HFM1: variants seen among roughly 807,000 people sequenced by gnomAD.
HFM1 encodes probable ATP-dependent DNA helicase HFM1.
HFM1 carries 169 observed loss-of-function variants against 192.1 expected under a neutral mutation model. The ratio of observed to expected loss-of-function variants is 0.88; its 90% CI spans 0.78 to 1.00. The LOEUF (loss-of-function observed/expected upper bound fraction) is 1.00. HFM1 is among the 50% of genes least tolerant of loss of function. The pLI is 0.00. For missense variants in HFM1, 1,661 were observed against 1,668.0 expected, an observed-to-expected ratio of 1.00 and a Z score of 0.07; for synonymous variants, 525 against 537.8, an observed-to-expected ratio of 0.98 and a Z score of 0.33.
At chr1:91,392,012 G>A (rs1663057089) in intron 4 of HFM1, among the ~76,000 whole-genome samples, 1 of 152,120 alleles carries the variant, frequency 6.6e-6, no homozygotes, top group African/African-American at 2.4e-5. Flanking sequence ...ATCATCACTG[G>A]CCATCAGAGA....
chr1:91,304,969 A>G (rs1649393711), intron 30 of HFM1, among the ~76,000 whole-genome samples: 1 of 152,160 alleles, frequency 6.6e-6, no homozygotes, highest in Admixed American at 6.6e-5. Flanking sequence ...TCAAAAATAA[A>G]CTGGCAGAGA....
chr1:91,390,257 G>A (rs1662778181), intron 4 of HFM1, among the ~76,000 whole-genome samples: 2 of 152,070 alleles, frequency 1.3e-5, no homozygotes, highest in South Asian at 2.1e-4. Flanking sequence ...TCAACATGGT[G>A]AAATTCCGTC....
intron 4 of HFM1, among the ~76,000 whole-genome samples, chr1:91,388,718 A>C (rs1389983690): frequency 6.6e-6 from 1 of 152,234 alleles, no homozygotes; most frequent in Non-Finnish European, 1.5e-5. Context: ...ATATGACACC[A>C]AAACCATAAG....
intron 6 of HFM1, 137 bp downstream of exon 6, chr1:91,385,050 C>T: frequency 4.9e-6 from 3 of 617,886 alleles, no homozygotes; most frequent in Non-Finnish European, 2.8e-6. Flanking sequence ...GCCACATGTA[C>T]CTCTTACAAC....
At chr1:91,266,236 C>A in intron 35 of HFM1, 129 bp from the exon 36 acceptor site, 1 of 681,700 alleles carries the variant, frequency 1.5e-6, no homozygotes, top group East Asian at 3.1e-5. Flanking sequence ...TTCTCAGTAA[C>A]CTAATTTAAT....
chr1:91,387,754 T>G (rs1421160985), intron 4 of HFM1, among the ~76,000 whole-genome samples: 37 of 87,840 alleles, frequency 4.2e-4, no homozygotes, highest in Non-Finnish European at 6.3e-4. Flanking sequence ...TATCACACTC[T>G]GGGGACTGTG....
chr1:91,263,635 C>T (rs1665383086), intron 36 of HFM1, among the ~76,000 whole-genome samples: 1 of 152,014 alleles, frequency 6.6e-6, no homozygotes, highest in African/African-American at 2.4e-5. Context: ...TACCTGTAGT[C>T]CCAGCTACTT....
At chr1:91,387,898 C>T (rs1232478688) in intron 4 of HFM1, among the ~76,000 whole-genome samples, 2 of 136,274 alleles carry the variant, frequency 1.5e-5, no homozygotes. Flanking sequence ...CACATGTACC[C>T]TAAAACTTAG....
chr1:91,315,851 T>C lies in HFM1; in HGVS notation c.3104A>G (p.Asp1035Gly), dbSNP rs1420435389. Residue 1035 changes from aspartate to glycine, a missense_variant, in exon 28 of 39, where the codon GAC becomes GGC. Coordinates refer to ENST00000370425, the MANE Select transcript of HFM1 (RefSeq NM_001017975.6). ...DSHYVTLIIG[D>G]ADNQVVYLHK... Reference sequence around the variant, plus strand: ...CAGATAAACTACTTGATTATCTGCGTCACCTATGATTAAGGTAACATAGTG... The same window carrying C: ...CAGATAAACTACTTGATTATCTGCGCCACCTATGATTAAGGTAACATAGTG... The C allele has an allele frequency of 6.2e-7, 1 of 1,610,884 alleles. No individual in the cohort carries two copies. Among genetic ancestry groups the C allele is most frequent in the Non-Finnish European group, 8.5e-7 (1 of 1,178,162 alleles).
chr1:91,386,886 C>G (rs1474793966), intron 4 of HFM1, among the ~76,000 whole-genome samples: 1 of 152,200 alleles, frequency 6.6e-6, no homozygotes, highest in East Asian at 1.9e-4. Flanking sequence ...GTGTATCCCC[C>G]CAAAAAGGAA....
At chr1:91,344,358 T>C (rs1655819625) in intron 19 of HFM1, among the ~76,000 whole-genome samples, 1 of 152,206 alleles carries the variant, frequency 6.6e-6, no homozygotes, top group Non-Finnish European at 1.5e-5. Flanking sequence ...GCAACACTCT[T>C]TAGACAGCTT....
rs918431097 is a variant in HFM1, at chr1:91,380,937, T to C, written c.848A>G (p.Tyr283Cys). ...SIFKEFPYFN[Y>C]IQSKAFDDLL... Reference sequence around the variant, plus strand: ...ATCATCAAAGGCCTTGGACTGTATATAGTTGAAATATGGAAATTCTTTGAA... The same window carrying C: ...ATCATCAAAGGCCTTGGACTGTATACAGTTGAAATATGGAAATTCTTTGAA... Residue 283 changes from tyrosine to cysteine, a missense_variant, in exon 7 of 39, where the codon TAT becomes TGT. By Grantham distance (194) the Tyr-to-Cys change is radical. Transcript: ENST00000370425. 4 of 1,459,776 alleles carry C rather than the reference T, an allele frequency of 2.7e-6. No homozygotes were observed. In the African/African-American group the frequency reaches 4.2e-5, roughly 15 times the overall value. 90.4% of individuals were successfully genotyped at this position (1,459,776 alleles called of 1,614,324 possible). A position where few individuals can be genotyped will look rare whatever the true frequency, so the allele number is the denominator to read the frequency against.
At chr1:91,342,129 C>T (rs1474536987) in intron 20 of HFM1, among the ~76,000 whole-genome samples, 70 of 9,180 alleles carry the variant, frequency 7.6e-3, no homozygotes, top group Non-Finnish European at 0.012. Flanking sequence ...GGCAGAGACA[C>T]AATGAAAAAA....
At chr1:91,393,036 G>A (rs754512827) in intron 4 of HFM1, among the ~76,000 whole-genome samples, 12 of 151,980 alleles carry the variant, frequency 7.9e-5, no homozygotes, top group South Asian at 2.1e-4. Context: ...AAAAACCAAC[G>A]TGGGTAAATA....
At chr1:91,261,568 AAAGGTT>A in intron 38 of HFM1, 1 of 336,082 alleles carries the variant, frequency 3.0e-6, no homozygotes, top group Non-Finnish European at 5.4e-6. Context: ...TAGGAACTGT[AAAGGTT>A]ATTTCTTTAA....
intron 30 of HFM1, among the ~76,000 whole-genome samples, chr1:91,302,332 G>C (rs1288998109): frequency 6.6e-6 from 1 of 152,044 alleles, no homozygotes. Flanking sequence ...TACGCTGTTG[G>C]TGGGACTGTA....
At chr1:91,378,373 T>C (rs1661160838) in intron 10 of HFM1, 30 bp downstream of exon 10, 2 of 1,503,548 alleles carry the variant, frequency 1.3e-6, no homozygotes, top group Non-Finnish European at 1.8e-6. Flanking sequence ...TCCTTTTATG[T>C]TTATCTCTGA....
intron 30 of HFM1, among the ~76,000 whole-genome samples, chr1:91,303,897 G>C (rs1649212738): frequency 6.6e-6 from 1 of 152,150 alleles, no homozygotes; most frequent in African/African-American, 2.4e-5. Flanking sequence ...CCAGGTTGGA[G>C]TGCAGTGGCA....
At chr1:91,304,552 C>T (rs1010619233) in intron 30 of HFM1, among the ~76,000 whole-genome samples, 5 of 151,902 alleles carry the variant, frequency 3.3e-5, no homozygotes, top group Non-Finnish European at 7.4e-5. Flanking sequence ...CTGCAACCTC[C>T]GCCTCCTGGG....
Sources: gnomAD v4.1 joint callset for allele counts (sites outside exome capture counted in the v4.1 genomes callset) on GRCh38, gnomAD v4.1.1 for gene constraint, MANE v1.5 for transcripts, NCBI Gene and HGNC (gene_info 2026-07-23, HGNC 2026-07-21) for gene names.